The following DDHD1 variants were observed in gnomAD, a reference collection of about 807,000 sequenced individuals.
The protein encoded by DDHD1 is phospholipase DDHD1.
A neutral mutation model predicts 96.4 loss-of-function variants in DDHD1; 49 were observed. The observed-to-expected ratio is 0.51, with a 90% confidence interval of 0.40 to 0.64. The LOEUF (loss-of-function observed/expected upper bound fraction) is 0.64. DDHD1 is among the 30% of genes least tolerant of loss of function. The probability of loss-of-function intolerance (pLI) is 0.00; values close to 1 mark genes in which losing one functional copy is unlikely to be tolerated. For synonymous variants in DDHD1, 442 were observed against 446.5 expected, an observed-to-expected ratio of 0.99 and a Z score of 0.13; for missense variants, 1,106 against 1,161.2, an observed-to-expected ratio of 0.95 and a Z score of 0.69.
At position 53,055,802 on chromosome 14, in the gene DDHD1, G is replaced by A. The variant is rs778981666; in HGVS notation, c.2103C>T (p.Ser701=). The part of the protein sequence containing the change: ...NPLPYEHMKP[S]FLNPAKEPTS... ...TAGGTTCTTTAGCTGGGTTGAGAAA[G>A]CTTGGCTTCATATGTTCATAAGGTA... Residue 701 remains serine, a synonymous_variant, in exon 10 of 13, where the codon AGC becomes AGT. Coordinates refer to ENST00000673822, the MANE Select transcript of DDHD1 (RefSeq NM_001160148.2). The A allele has an allele frequency of 7.4e-6, 12 of 1,614,058 alleles. No individual in the cohort carries two copies. The highest frequency in any genetic ancestry group is 1.6e-4 in the Middle Eastern group (1 of 6,062).
chr14:53,065,053 T>G (rs1883905476), intron 6 of DDHD1, among the ~76,000 whole-genome samples: 1 of 152,192 alleles, frequency 6.6e-6, no homozygotes. Flanking sequence ...CTTAACTTTA[T>G]TATCTATTAG....
At chr14:53,096,131 C>A in intron 2 of DDHD1, 1 of 984,780 alleles carries the variant, frequency 1.0e-6, no homozygotes, top group South Asian at 4.7e-5. Context: ...GGAATGCTTT[C>A]GTTTAAGACC....
chr14:53,085,356 G>T (rs1885857440), intron 4 of DDHD1, among the ~76,000 whole-genome samples: 2 of 152,174 alleles, frequency 1.3e-5, no homozygotes, highest in South Asian at 4.1e-4. Flanking sequence ...GCCTAACTGG[G>T]AGACACCTCC....
At position 53,145,065 on chromosome 14, in the gene DDHD1, T is replaced by G. The variant is rs531069736; in HGVS notation, c.838+7196A>C. On this transcript the variant is annotated intron_variant, in intron 1 of 12. Coordinates refer to ENST00000673822, the MANE Select transcript of DDHD1 (RefSeq NM_001160148.2). ...CTTGGGAGGCTGAGGAACGAGAATT[T>G]TTTGAACCTGGGAGGTGGAGGTTGC... Among the ~76,000 whole-genome samples, 8 of 152,126 alleles carry G rather than the reference T, an allele frequency of 5.3e-5. No homozygotes were observed. The South Asian group carries it at 1.5e-3, about 28-fold the overall frequency.
chr14:53,134,905 T>C (rs1236530993), intron 1 of DDHD1, among the ~76,000 whole-genome samples: 2 of 152,062 alleles, frequency 1.3e-5, no homozygotes, highest in African/African-American at 4.8e-5. Context: ...ATAACAAATG[T>C]TCCTTCTAAT....
At chr14:53,093,227 A>G in intron 3 of DDHD1, 89 bp downstream of exon 3, 1 of 1,368,234 alleles carries the variant, frequency 7.3e-7, no homozygotes, top group Non-Finnish European at 9.7e-7. Context: ...AAAACATACT[A>G]AAAACAGAAT....
intron 1 of DDHD1, among the ~76,000 whole-genome samples, chr14:53,129,975 A>T (rs577678388): frequency 3.9e-5 from 6 of 152,236 alleles, no homozygotes; most frequent in Non-Finnish European, 8.8e-5. Flanking sequence ...TCTGCTCGCA[A>T]TGCGACTCGT....
Position 53,042,378 on chromosome 14 carries a change from T to C in DDHD1, c.*4390A>G, listed in dbSNP as rs1881719977. On this transcript the variant is annotated 3_prime_UTR_variant, in exon 13 of 13. Coordinates refer to ENST00000673822, the MANE Select transcript of DDHD1 (RefSeq NM_001160148.2). ...CAGCTTTAAAATTCCATCATTAATA[T>C]TTTTTTACTTTACCACTTCCCTCAG... The C allele has an allele frequency of 6.6e-6, 1 of 152,134 alleles. No individual in the cohort carries two copies. The highest frequency in any genetic ancestry group is 6.6e-5 in the Admixed American group (1 of 15,262). 9.4% of individuals were successfully genotyped at this position (152,134 alleles called of 1,614,324 possible). A position where few individuals can be genotyped will look rare whatever the true frequency, so the allele number is the denominator to read the frequency against.
chr14:53,148,772 G>C (rs992984923), intron 1 of DDHD1, among the ~76,000 whole-genome samples: 1 of 152,134 alleles, frequency 6.6e-6, no homozygotes, highest in Non-Finnish European at 1.5e-5. Context: ...AAGAAATTGT[G>C]GGCACTCAAC....
At chr14:53,105,100 CAAAT>C (rs993704622) in intron 1 of DDHD1, among the ~76,000 whole-genome samples, 3 of 151,718 alleles carry the variant, frequency 2.0e-5, no homozygotes, top group Non-Finnish European at 2.9e-5. Context: ...ATATAAAAAT[CAAAT>C]AAATAAAAAA....
chr14:53,127,820 T>A (rs1399749619), intron 1 of DDHD1, among the ~76,000 whole-genome samples: 1 of 152,304 alleles, frequency 6.6e-6, no homozygotes, highest in South Asian at 2.1e-4. Context: ...TGAAAATAGA[T>A]CCTTAAGAGT....
In DDHD1 at chr14:53,153,190, C is replaced by G; in HGVS notation, c.-92G>C. 2.6e-6 allele frequency: 3 copies of G among 1,147,978 alleles called. No individual in the cohort carries two copies. The highest frequency in any genetic ancestry group is 2.1e-5 in the South Asian group (1 of 46,570). The allele number at this position is 1,147,978 out of a possible 1,614,324, so 71.1% of individuals were successfully genotyped here. On this transcript the variant is annotated 5_prime_UTR_variant, in exon 1 of 13. Transcript: ENST00000673822. ...ATTCAACGCCGCCGCCCTCTCCACC[C>G]GAAGTTTCTAATCTTTCAAATCCCG...
At position 53,040,164 on chromosome 14, in the gene DDHD1, T is replaced by A. The variant is rs1369785219; in HGVS notation, c.*6604A>T. 6.6e-6 allele frequency: 1 copy of A among 152,148 alleles called. No individual in the cohort carries two copies. The highest frequency in any genetic ancestry group is 1.5e-5 in the Non-Finnish European group (1 of 68,030). 9.4% of individuals were successfully genotyped at this position (152,148 alleles called of 1,614,324 possible). A position where few individuals can be genotyped will look rare whatever the true frequency, so the allele number is the denominator to read the frequency against. On this transcript the variant is annotated 3_prime_UTR_variant, in exon 13 of 13. Transcript: ENST00000673822. The stretch of plus-strand genomic sequence containing the variant: ...TTCTATCTGGCACGGGTTCTTGGAG[T>A]TAGCCTGAAGACCTCAGAGCTATGG...
chr14:53,109,712 A>G (rs897113040), intron 1 of DDHD1, among the ~76,000 whole-genome samples: 3 of 152,132 alleles, frequency 2.0e-5, no homozygotes, highest in African/African-American at 4.8e-5. Context: ...ATTTAACAAT[A>G]ATCTTAAAAG....
intron 1 of DDHD1, among the ~76,000 whole-genome samples, chr14:53,130,735 T>G (rs930779857): frequency 1.3e-5 from 2 of 152,204 alleles, no homozygotes; most frequent in African/African-American, 4.8e-5. Context: ...CGTAAGCTGT[T>G]GTCCCATCTG....
At chr14:53,103,118 T>A in intron 2 of DDHD1, 1 of 1,486,606 alleles carries the variant, frequency 6.7e-7, no homozygotes. Context: ...ACTCAAGATT[T>A]AGACACACAA....
At position 53,037,843 on chromosome 14, in the gene DDHD1, G is replaced by A. The variant is rs1353677377; in HGVS notation, c.*8925C>T. 2 of 152,004 alleles carry A rather than the reference G, an allele frequency of 1.3e-5. No homozygotes were observed. The highest frequency in any genetic ancestry group is 4.8e-5 in the African/African-American group (2 of 41,414). 9.4% of individuals were successfully genotyped at this position (152,004 alleles called of 1,614,324 possible). A position where few individuals can be genotyped will look rare whatever the true frequency, so the allele number is the denominator to read the frequency against. Reference sequence around the variant, plus strand: ...AGGGTATTTCCTAGGTTTTCTTCTAGGATTTTTACAGTTTGAGGTCTTACA... The same window carrying A: ...AGGGTATTTCCTAGGTTTTCTTCTAAGATTTTTACAGTTTGAGGTCTTACA... On this transcript the variant is annotated 3_prime_UTR_variant, in exon 13 of 13. Transcript: ENST00000673822.
At position 53,046,718 on chromosome 14, in the gene DDHD1, A is replaced by G. The variant is rs543003209; in HGVS notation, c.*50T>C. ...TCCGTATCTTGACACACACATTTTA[A>G]CGGAAAAAAAAAAAATCAGTTTTAG... is the stretch of plus-strand genomic sequence containing the variant. On this transcript the variant is annotated 3_prime_UTR_variant, in exon 13 of 13. Transcript: ENST00000673822. The G allele has an allele frequency of 7.6e-7, 1 of 1,320,542 alleles. No individual in the cohort carries two copies. The highest frequency in any genetic ancestry group is 2.5e-5 in the East Asian group (1 of 39,422). 81.8% of individuals were successfully genotyped at this position (1,320,542 alleles called of 1,614,324 possible).
At chr14:53,061,013 ATATT>A (rs1384348332) in intron 8 of DDHD1, 109 bp downstream of exon 8, 16 of 992,338 alleles carry the variant, frequency 1.6e-5, no homozygotes, top group Non-Finnish European at 2.4e-5. Context: ...TGTTGAATAA[ATATT>A]TATTTTGAAA....
Sources: allele counts gnomAD v4.1 joint callset (sites outside exome capture counted in the v4.1 genomes callset), GRCh38; gene constraint gnomAD v4.1.1; transcripts MANE v1.5; gene names NCBI Gene and HGNC (gene_info 2026-07-23, HGNC 2026-07-21).